Variants in PLXNA2 observed in about 807,000 individuals in gnomAD.
PLXNA2 encodes plexin-A2.
PLXNA2 carries 91 observed loss-of-function variants against 193.5 expected under a neutral mutation model. That is an observed-to-expected ratio of 0.47 (90% CI 0.40 to 0.56). PLXNA2 has a LOEUF of 0.56. PLXNA2 is among the 20% of genes least tolerant of loss of function. PLXNA2 has a pLI of 0.00. For missense variants in PLXNA2, 1,995 were observed against 2,503.2 expected, an observed-to-expected ratio of 0.80 and a Z score of 4.33; for synonymous variants, 997 against 1,027.3, an observed-to-expected ratio of 0.97 and a Z score of 0.56.
At chr1:208,204,628 G>T (rs1281902119) in intron 3 of PLXNA2, among the ~76,000 whole-genome samples, 1 of 152,104 alleles carries the variant, frequency 6.6e-6, no homozygotes. Context: ...ATTTCAATTC[G>T]TACAAATAGA....
intron 14 of PLXNA2, among the ~76,000 whole-genome samples, chr1:208,053,174 T>C (rs1345568219): frequency 1.3e-5 from 2 of 152,242 alleles, no homozygotes; most frequent in African/African-American, 4.8e-5. Context: ...TGGAGTGAAT[T>C]GGAAAATGCA....
At chr1:208,045,272 A>G (rs778317287) in intron 18 of PLXNA2, 62 bp from the exon 19 acceptor site, 3 of 1,540,698 alleles carry the variant, frequency 1.9e-6, no homozygotes, top group African/African-American at 1.4e-5. Flanking sequence ...TTAATTGCCT[A>G]CTTAAAAAGA....
intron 1 of PLXNA2, among the ~76,000 whole-genome samples, chr1:208,237,107 G>C (rs1207169383): frequency 6.6e-6 from 1 of 152,158 alleles, no homozygotes; most frequent in Non-Finnish European, 1.5e-5. Flanking sequence ...AAGCAGAATG[G>C]CTACCTTCTC....
intron 3 of PLXNA2, among the ~76,000 whole-genome samples, chr1:208,159,326 C>T (rs1353969148): frequency 6.6e-6 from 1 of 152,190 alleles, no homozygotes; most frequent in African/African-American, 2.4e-5. Flanking sequence ...TTTTGATCTT[C>T]ATGATCATCC....
chr1:208,175,027 C>A (rs1324574076), intron 3 of PLXNA2, among the ~76,000 whole-genome samples: 1 of 152,192 alleles, frequency 6.6e-6, no homozygotes, highest in African/African-American at 2.4e-5. Flanking sequence ...TGGGAGCCAG[C>A]TGTTGTTAGG....
chr1:208,152,351 T>C (rs1218636768), intron 3 of PLXNA2, among the ~76,000 whole-genome samples: 4 of 152,106 alleles, frequency 2.6e-5, no homozygotes, highest in Non-Finnish European at 4.4e-5. Context: ...AACCATGCCA[T>C]CGAATCTCTC....
chr1:208,235,011 T>C (rs781182574), intron 1 of PLXNA2, among the ~76,000 whole-genome samples: 67 of 152,310 alleles, frequency 4.4e-4, no homozygotes, highest in Non-Finnish European at 8.2e-4. Context: ...CAGATACCCA[T>C]GAGCTCTGCG....
chr1:208,209,298 T>A (rs2102597085), intron 3 of PLXNA2, among the ~76,000 whole-genome samples: 1 of 152,214 alleles, frequency 6.6e-6, no homozygotes, highest in East Asian at 1.9e-4. Context: ...CAGGTTACCC[T>A]CCTTCCACAT....
chr1:208,042,066 C>A, intron 22 of PLXNA2, 32 bp downstream of exon 22: 2 of 1,604,580 alleles, frequency 1.2e-6, no homozygotes, highest in South Asian at 1.1e-5. Flanking sequence ...CAGACTCCTG[C>A]CACCCTCTCC....
rs1283657052 is a variant in PLXNA2, at chr1:208,216,993, C to T, written c.930G>A (p.Leu310=). 6.2e-7 allele frequency: 1 copy of T among 1,612,072 alleles called. No homozygotes were observed. Among genetic ancestry groups the T allele is most frequent in the Admixed American group, 1.7e-5 (1 of 59,936 alleles). Residue 310 remains leucine, a synonymous_variant, in exon 2 of 32, where the codon CTG becomes CTA. Transcript: ENST00000367033. The part of the protein sequence containing the change: ...CTRAGVEYRL[L]QAAYLAKPGD... Reference sequence around the variant, plus strand: ...CAGGCTTGGCCAGGTAAGCAGCCTGCAGGAGGCGGTATTCCACCCCGGCCC... The same window carrying T: ...CAGGCTTGGCCAGGTAAGCAGCCTGTAGGAGGCGGTATTCCACCCCGGCCC...
chr1:208,092,540 C>CT (rs1250600958), intron 9 of PLXNA2, among the ~76,000 whole-genome samples: 4 of 152,210 alleles, frequency 2.6e-5, no homozygotes, highest in Non-Finnish European at 5.9e-5. Context: ...CCCCAGTTAC[C>CT]TTCAAGCTTT....
At chr1:208,190,955 G>A (rs1033369458) in intron 3 of PLXNA2, among the ~76,000 whole-genome samples, 1 of 152,218 alleles carries the variant, frequency 6.6e-6, no homozygotes, top group Non-Finnish European at 1.5e-5. Context: ...ATCCTCTGTA[G>A]TTGTCTTTCA....
Position 208,109,903 on chromosome 1 carries a change from T to C in PLXNA2, c.1507-6656A>G, listed in dbSNP as rs528274734. ...GCACCCTACAGCTCCTAGTACCCAG[T>C]AGCTGTTAACTGATGGAATAAATGG... On this transcript the variant is annotated intron_variant, in intron 4 of 31. Coordinates refer to ENST00000367033, the MANE Select transcript of PLXNA2 (RefSeq NM_025179.4). Among the ~76,000 whole-genome samples the C allele has an allele frequency of 3.0e-3, 453 of 152,336 alleles. 4 individuals carry two copies. Among genetic ancestry groups the C allele is most frequent in the African/African-American group, 0.01 (433 of 41,582 alleles).
chr1:208,069,671 T>C (rs576068827), intron 12 of PLXNA2, among the ~76,000 whole-genome samples: 18 of 152,084 alleles, frequency 1.2e-4, no homozygotes, highest in Non-Finnish European at 2.4e-4. Flanking sequence ...TGGGGCCAAC[T>C]TCAGAGTAGG....
At chr1:208,213,165 A>T (rs1572038944) in intron 2 of PLXNA2, among the ~76,000 whole-genome samples, 1 of 88,438 alleles carries the variant, frequency 1.1e-5, no homozygotes, top group Non-Finnish European at 2.6e-5. Context: ...CAGAACTATT[A>T]AAAAAAAAAA....
intron 5 of PLXNA2, among the ~76,000 whole-genome samples, chr1:208,102,671 T>C (rs1207130710): frequency 6.6e-6 from 1 of 152,182 alleles, no homozygotes; most frequent in Non-Finnish European, 1.5e-5. Flanking sequence ...GCATTTTCCC[T>C]AAACAGCAAT....
At chr1:208,122,486 GATTAA>G (rs977916484) in intron 4 of PLXNA2, among the ~76,000 whole-genome samples, 7 of 152,174 alleles carry the variant, frequency 4.6e-5, no homozygotes, top group African/African-American at 1.7e-4. Context: ...ATGTTGTGAA[GATTAA>G]ATTAAGTTCT....
intron 12 of PLXNA2, among the ~76,000 whole-genome samples, chr1:208,074,835 A>G (rs1666096051): frequency 6.6e-6 from 1 of 152,168 alleles, no homozygotes; most frequent in African/African-American, 2.4e-5. Flanking sequence ...TCTTTGTAGT[A>G]AATGGCTTCT....
At chr1:208,100,930 C>T (rs1370362969) in intron 5 of PLXNA2, among the ~76,000 whole-genome samples, 4 of 152,196 alleles carry the variant, frequency 2.6e-5, no homozygotes, top group African/African-American at 4.8e-5. Flanking sequence ...AAATAGCCAT[C>T]GGGACACTAG....
Sources: gnomAD v4.1 joint callset for allele counts (sites outside exome capture counted in the v4.1 genomes callset) on GRCh38, gnomAD v4.1.1 for gene constraint, MANE v1.5 for transcripts, NCBI Gene and HGNC (gene_info 2026-07-23, HGNC 2026-07-21) for gene names.